The following CAMTA1 variants were observed in gnomAD, a reference collection of about 807,000 sequenced individuals.
CAMTA1 encodes calmodulin binding transcription activator 1, also known as calmodulin-binding transcription activator 1.
A neutral mutation model predicts 170.9 loss-of-function variants in CAMTA1; 27 were observed. That is an observed-to-expected ratio of 0.16 (90% CI 0.12 to 0.22). The LOEUF is 0.22. CAMTA1 is among the 10% of genes least tolerant of loss of function. The pLI, the probability that CAMTA1 is intolerant of heterozygous loss-of-function variation, is 1.00. For synonymous variants in CAMTA1, 833 were observed against 891.5 expected, an observed-to-expected ratio of 0.93 and a Z score of 1.17; for missense variants, 1,619 against 2,217.2, an observed-to-expected ratio of 0.73 and a Z score of 5.42.
At chr1:6,980,307 G>A (rs1012695114) in intron 3 of CAMTA1, among the ~76,000 whole-genome samples, 2 of 152,130 alleles carry the variant, frequency 1.3e-5, no homozygotes, top group African/African-American at 4.8e-5. Flanking sequence ...TAGGCCCGGG[G>A]CTCCTCTCTC....
chr1:7,410,552 A>G, intron 5 of CAMTA1, among the ~76,000 whole-genome samples: 1 of 152,270 alleles, frequency 6.6e-6, no homozygotes, highest in East Asian at 1.9e-4. Flanking sequence ...CTCTTTGCAA[A>G]AAAGGAAAAG....
chr1:7,398,396 C>T (rs551622828), intron 5 of CAMTA1, among the ~76,000 whole-genome samples: 108 of 151,374 alleles, frequency 7.1e-4, no homozygotes, highest in African/African-American at 2.4e-3. Flanking sequence ...ATAAGTATGG[C>T]TACTCCTGCA....
intron 3 of CAMTA1, among the ~76,000 whole-genome samples, chr1:6,916,392 C>T (rs1680803967): frequency 6.6e-6 from 1 of 152,208 alleles, no homozygotes; most frequent in South Asian, 2.1e-4. Flanking sequence ...GTAAGGCCCG[C>T]CCCACCTCTG....
intron 5 of CAMTA1, among the ~76,000 whole-genome samples, chr1:7,254,094 G>T (rs1001884709): frequency 6.6e-6 from 1 of 152,140 alleles, no homozygotes; most frequent in African/African-American, 2.4e-5. Flanking sequence ...AAGGAAGTGG[G>T]GTGCGGTGGG....
intron 16 of CAMTA1, among the ~76,000 whole-genome samples, chr1:7,739,330 G>A (rs2096793638): frequency 1.3e-5 from 2 of 152,184 alleles, no homozygotes; most frequent in African/African-American, 4.8e-5. Context: ...GGAGAGGCCT[G>A]ATTTCTGAGC....
intron 4 of CAMTA1, among the ~76,000 whole-genome samples, chr1:7,170,282 T>C (rs1023582875): frequency 1.3e-5 from 2 of 151,986 alleles, no homozygotes; most frequent in South Asian, 4.2e-4. Context: ...TTGAATTGTA[T>C]AAAATGGGTT....
intron 4 of CAMTA1, among the ~76,000 whole-genome samples, chr1:7,175,877 C>A (rs1310942310): frequency 6.6e-6 from 1 of 152,188 alleles, no homozygotes. Context: ...CTCTTTCCTG[C>A]CGATTTACAC....
chr1:7,168,002 C>T (rs1288237197), intron 4 of CAMTA1, among the ~76,000 whole-genome samples: 1 of 152,162 alleles, frequency 6.6e-6, no homozygotes, highest in African/African-American at 2.4e-5. Context: ...TCCCAAAGTC[C>T]TGGGATTACA....
At chr1:7,464,600 T>G (rs72858940) in intron 5 of CAMTA1, among the ~76,000 whole-genome samples, 26,445 of 151,918 alleles carry the variant, frequency 0.17, 2,991 homozygotes, top group African/African-American at 0.32. Context: ...AAGGGGTGAA[T>G]GGAAGGGGAG....
At chr1:7,508,422 C>T (rs550011089) in intron 6 of CAMTA1, among the ~76,000 whole-genome samples, 3 of 152,292 alleles carry the variant, frequency 2.0e-5, no homozygotes, top group South Asian at 2.1e-4. Flanking sequence ...CTAGTCCTGA[C>T]GATTATTTTG....
intron 6 of CAMTA1, among the ~76,000 whole-genome samples, chr1:7,610,889 G>A (rs2095519151): frequency 6.6e-6 from 1 of 152,238 alleles, no homozygotes; most frequent in African/African-American, 2.4e-5. Flanking sequence ...GCAGCATGAG[G>A]GGCAAAGGCC....
chr1:6,785,623 G>A lies in CAMTA1; in HGVS notation c.45+48G>A, dbSNP rs1255123652. 3 of 983,782 alleles carry A rather than the reference G, an allele frequency of 3.0e-6. No individual in the cohort carries two copies. In the African/African-American group the frequency reaches 5.5e-5, roughly 18 times the overall value. 60.9% of individuals were successfully genotyped at this position (983,782 alleles called of 1,614,324 possible). A position where few individuals can be genotyped will look rare whatever the true frequency, so the allele number is the denominator to read the frequency against. ...CTGGGGGGCGGCGCGGCGGGCGGCG[G>A]GACCCGGCCCCGCCGGACATCCCGG... is the stretch of plus-strand genomic sequence containing the variant. On this transcript the variant is annotated intron_variant, in intron 1 of 22. Transcript: ENST00000303635.
chr1:7,415,156 G>T (rs1341675844), intron 5 of CAMTA1, among the ~76,000 whole-genome samples: 1 of 152,042 alleles, frequency 6.6e-6, no homozygotes, highest in East Asian at 1.9e-4. Context: ...TTTTACATTT[G>T]CTGAGGAGTG....
intron 10 of CAMTA1, among the ~76,000 whole-genome samples, chr1:7,676,743 C>T (rs565343327): frequency 6.6e-6 from 1 of 152,338 alleles, no homozygotes; most frequent in East Asian, 1.9e-4. Flanking sequence ...GGGCAGTGTG[C>T]ACACCCACCA....
intron 5 of CAMTA1, among the ~76,000 whole-genome samples, chr1:7,297,474 T>C (rs932109549): frequency 6.6e-6 from 1 of 152,236 alleles, no homozygotes; most frequent in Non-Finnish European, 1.5e-5. Flanking sequence ...TTGGCCAGAA[T>C]TCAAAGCTCT....
In CAMTA1 at chr1:7,101,984, CATACAT is replaced by C. The variant is rs570256312; in HGVS notation, c.302+10621_302+10626del. Among the ~76,000 whole-genome samples the C allele has an allele frequency of 2.7e-3, 405 of 151,908 alleles. 2 individuals are homozygous for C. The highest frequency in any genetic ancestry group is 4.3e-3 in the Non-Finnish European group (289 of 67,972). On this transcript the variant is annotated intron_variant, in intron 4 of 22. Coordinates refer to ENST00000303635, the MANE Select transcript of CAMTA1 (RefSeq NM_015215.4). ...TGCATGCATGCAGCACAGAAATACA[CATACAT>C]ATACATACATGTACACACATGCATA...
At chr1:7,331,226 G>A (rs1018928056) in intron 5 of CAMTA1, among the ~76,000 whole-genome samples, 1 of 152,088 alleles carries the variant, frequency 6.6e-6, no homozygotes, top group Non-Finnish European at 1.5e-5. Context: ...GCAACAAAGC[G>A]AGACTCCACC....
rs533168052 is a variant in CAMTA1, at chr1:6,789,965, A to G, written c.45+4390A>G. On this transcript the variant is annotated intron_variant, in intron 1 of 22. Transcript: ENST00000303635. ...GCTGGGATTACAGGCGTGCACCACC[A>G]TGTCCGGCTAATTTTTTTTTGCATT... 9.0e-4 allele frequency among the ~76,000 whole-genome samples: 137 copies of G among 151,422 alleles called. 1 individual carries two copies. Among genetic ancestry groups the G allele is most frequent in the African/African-American group, 3.2e-3 (134 of 41,266 alleles).
At chr1:7,506,780 A>T (rs946687110) in intron 6 of CAMTA1, among the ~76,000 whole-genome samples, 2 of 151,674 alleles carry the variant, frequency 1.3e-5, no homozygotes, top group Non-Finnish European at 2.9e-5. Context: ...ATGCAAACTC[A>T]CATGCTTACA....
Sources: allele counts gnomAD v4.1 joint callset (sites outside exome capture counted in the v4.1 genomes callset), GRCh38; gene constraint gnomAD v4.1.1; transcripts MANE v1.5; gene names NCBI Gene and HGNC (gene_info 2026-07-23, HGNC 2026-07-21).